Variants in FAAH observed in about 807,000 individuals in gnomAD.
FAAH encodes fatty-acid amide hydrolase 1.
A neutral mutation model predicts 69.7 loss-of-function variants in FAAH; 63 were observed. That is an observed-to-expected ratio of 0.90 (90% CI 0.74 to 1.12). The LOEUF (loss-of-function observed/expected upper bound fraction) is 1.12, where lower values mean the gene tolerates loss of function less well. Among genes scored for constraint, FAAH ranks in the 50% most tolerant of loss-of-function variants. The probability of loss-of-function intolerance (pLI) is 0.00; values close to 1 mark genes in which losing one functional copy is unlikely to be tolerated. For synonymous variants in FAAH, 305 were observed against 324.2 expected (o/e 0.94, Z 0.64); for missense variants, 680 against 755.0 (o/e 0.90, Z 1.16).
At chr1:46,406,656 C>T (rs926112622) in intron 7 of FAAH, among the ~76,000 whole-genome samples, 15 of 147,916 alleles carry the variant, frequency 1.0e-4, no homozygotes, top group African/African-American at 3.8e-4. Context: ...GATCTCGGCT[C>T]ACTGCAAGCT....
At chr1:46,394,828 G>A (rs1036665346) in intron 1 of FAAH, among the ~76,000 whole-genome samples, 1 of 152,256 alleles carries the variant, frequency 6.6e-6, no homozygotes, top group Admixed American at 6.5e-5. Context: ...CTGCCTATTG[G>A]AATGCGAAAA....
Position 46,394,454 on chromosome 1 carries a change from A to C in FAAH, c.106A>C (p.Thr36Pro). The change falls in exon 1 of 15, where the codon ACG (threonine) becomes CCG (proline). Residue 36 changes from threonine (T) to proline (P), a missense_variant. Thr to Pro is a conservative substitution (Grantham distance 38, BLOSUM62 -1). Coordinates refer to ENST00000243167, the MANE Select transcript of FAAH (RefSeq NM_001441.3). ...GGCCCTGCGCTGGTCCGGGCGCCGGACGGCGCGGGGCGCGGTGGTCCGGGC... is the reference window on the plus strand; with the variant it reads ...GGCCCTGCGCTGGTCCGGGCGCCGGCCGGCGCGGGGCGCGGTGGTCCGGGC... ...AVALRWSGRR[T>P]ARGAVVRARQ... The C allele has an allele frequency of 1.5e-6, 2 of 1,377,542 alleles. No individual in the cohort carries two copies. Among genetic ancestry groups the C allele is most frequent in the Non-Finnish European group, 1.9e-6 (2 of 1,073,688 alleles). 85.3% of individuals were successfully genotyped at this position (1,377,542 alleles called of 1,614,324 possible).
chr1:46,412,595 A>G (rs1664936645), intron 13 of FAAH, among the ~76,000 whole-genome samples: 2 of 152,226 alleles, frequency 1.3e-5, no homozygotes, highest in South Asian at 4.1e-4. Context: ...GGATCACTTG[A>G]GCCCAGGAGC....
intron 1 of FAAH, among the ~76,000 whole-genome samples, chr1:46,397,505 T>C (rs533349211): frequency 3.9e-5 from 6 of 152,296 alleles, no homozygotes; most frequent in Non-Finnish European, 8.8e-5. Context: ...GGGGTCCTGA[T>C]TGACAATAGC....
At position 46,413,412 on chromosome 1, in the gene FAAH, T is replaced by C. The variant is rs76528376; in HGVS notation, c.1612-35T>C. 2,783 of 1,613,910 alleles carry C rather than the reference T, an allele frequency of 1.7e-3. 31 individuals are homozygous for C. In the East Asian group the frequency reaches 0.021, roughly 12 times the overall value. On this transcript the variant is annotated intron_variant, in intron 14 of 14. Transcript: ENST00000243167. Reference sequence around the variant, plus strand: ...GGCCTGGGGGTGGGGAGTCCTGCCTTGCTAACCCTATCCTGATGCCTGTAT... The same window carrying C: ...GGCCTGGGGGTGGGGAGTCCTGCCTCGCTAACCCTATCCTGATGCCTGTAT...
Position 46,410,736 on chromosome 1 carries a change from C to T in FAAH, c.1276-78C>T. On this transcript the variant is annotated intron_variant, in intron 10 of 14. Transcript: ENST00000243167. The surrounding 1 kb of genome is among the most constrained non-coding windows in gnomAD (Gnocchi z 4.9). The stretch of plus-strand genomic sequence containing the variant: ...GGGGAGGCATGGAGGGAGGGGTCCC[C>T]AGTGGCTTGGCCTGAAGAAGGTTGA... 1 of 1,579,638 alleles carries T rather than the reference C, an allele frequency of 6.3e-7. No homozygotes were observed. Among genetic ancestry groups the T allele is most frequent in the Non-Finnish European group, 8.7e-7 (1 of 1,148,548 alleles).
rs72679815 is a variant in FAAH at position 46,411,259 on chromosome 1, C to T, written c.1317-353C>T. Among the ~76,000 whole-genome samples, 1,143 of 152,312 alleles carry T rather than the reference C, an allele frequency of 7.5e-3. 10 individuals are homozygous for T. The highest frequency in any genetic ancestry group is 0.026 in the South Asian group (126 of 4,822). On this transcript the variant is annotated intron_variant, in intron 11 of 14. Transcript: ENST00000243167. This position sits in a 1 kb window ranked among gnomAD's most constrained non-coding sequence, Gnocchi z 4.8. ...AGTGGCTGGGGCTGGAAAAGCAGGG[C>T]GTAAACCTCCCTGTTTCATGCCCTG...
At chr1:46,401,754 A>G (rs1030590379) in intron 1 of FAAH, among the ~76,000 whole-genome samples, 7 of 152,214 alleles carry the variant, frequency 4.6e-5, no homozygotes, top group African/African-American at 1.7e-4. Flanking sequence ...TGGTTTAATC[A>G]TCAGTCTGGA....
chr1:46,413,694 C>A lies in FAAH; in HGVS notation c.*119C>A. The A allele has an allele frequency of 6.8e-7, 1 of 1,462,410 alleles. No homozygotes were observed. Among genetic ancestry groups the A allele is most frequent in the South Asian group, 1.2e-5 (1 of 85,132 alleles). 90.6% of individuals were successfully genotyped at this position (1,462,410 alleles called of 1,614,324 possible). Reference sequence around the variant, plus strand: ...TGCATGGGGCAGAGGCTTCCGTGTCCTCTCCCCCAACCCCCTGCAAGAAGC... The same window carrying A: ...TGCATGGGGCAGAGGCTTCCGTGTCATCTCCCCCAACCCCCTGCAAGAAGC... On this transcript the variant is annotated 3_prime_UTR_variant, in exon 15 of 15. Coordinates refer to ENST00000243167, the MANE Select transcript of FAAH (RefSeq NM_001441.3).
rs1255028938 is a variant in FAAH, at chr1:46,412,243, G to A, written c.1457G>A (p.Arg486Lys). The A allele has an allele frequency of 2.6e-6, 4 of 1,552,718 alleles. No individual in the cohort carries two copies. Among genetic ancestry groups the A allele is most frequent in the Non-Finnish European group, 3.5e-6 (4 of 1,147,564 alleles). The change falls in exon 13 of 15, where the codon AGG (arginine) becomes AAG (lysine). Residue 486 changes from arginine (R) to lysine (K), a missense_variant. Coordinates refer to ENST00000243167, the MANE Select transcript of FAAH (RefSeq NM_001441.3). ...GCTCTGGACTTGAATGCCCCAGGCA[G>A]GGCCACAGGTGAGGCCCGACACCCT... The part of the protein sequence containing the change: ...APALDLNAPG[R>K]ATGAVSYTML...
intron 1 of FAAH, among the ~76,000 whole-genome samples, 175 bp from the exon 2 acceptor site, chr1:46,401,916 G>T (rs372843092): frequency 6.6e-6 from 1 of 152,166 alleles, no homozygotes; most frequent in Admixed American, 6.5e-5. Flanking sequence ...AGGTCGGCTC[G>T]CTGGGCACCC....
chr1:46,410,886 C>G lies in FAAH; in HGVS notation c.1316+32C>G. ...GTTCTTCTGTGTCTAGCTGCCGGCC[C>G]CTGCCTGTCCTGATCCGAGTCTGGG... On this transcript the variant is annotated intron_variant, in intron 11 of 14. Transcript: ENST00000243167. The surrounding 1 kb of genome is among the most constrained non-coding windows in gnomAD (Gnocchi z 4.9). The G allele has an allele frequency of 6.2e-7, 1 of 1,613,796 alleles. No individual in the cohort carries two copies. Among genetic ancestry groups the G allele is most frequent in the East Asian group, 2.2e-5 (1 of 44,872 alleles).
At position 46,404,040 on chromosome 1, in the gene FAAH, G is replaced by C. The variant is rs1664748670; in HGVS notation, c.310-974G>C. Among the ~76,000 whole-genome samples, 1 of 152,250 alleles carries C rather than the reference G, an allele frequency of 6.6e-6. No individual in the cohort carries two copies. The highest frequency in any genetic ancestry group is 2.4e-5 in the African/African-American group (1 of 41,460). ...GTGTGACCCCTAGGCAGGTGAACTTGTCTGGGTGCAGTGTATGTGACAATG... is the reference window on the plus strand; with the variant it reads ...GTGTGACCCCTAGGCAGGTGAACTTCTCTGGGTGCAGTGTATGTGACAATG... On this transcript the variant is annotated intron_variant, in intron 2 of 14. Transcript: ENST00000243167. This position sits in a 1 kb window ranked among gnomAD's most constrained non-coding sequence, Gnocchi z 4.5.
chr1:46,406,555 C>CTTT (rs527478594), intron 7 of FAAH, among the ~76,000 whole-genome samples, 187 bp downstream of exon 7: 2 of 136,182 alleles, frequency 1.5e-5, no homozygotes, highest in Non-Finnish European at 3.2e-5. Flanking sequence ...AATCCTCAGG[C>CTTT]TTTTTTTTTT....
chr1:46,410,848 A>G lies in FAAH; in HGVS notation c.1310A>G (p.Lys437Arg). The G allele has an allele frequency of 6.2e-7, 1 of 1,614,026 alleles. No individual in the cohort carries two copies. Among genetic ancestry groups the G allele is most frequent in the Non-Finnish European group, 8.5e-7 (1 of 1,179,994 alleles). Residue 437 changes from lysine to arginine, a missense_variant, in exon 11 of 15, where the codon AAG becomes AGG. Lys to Arg is a conservative substitution (Grantham distance 26). Coordinates refer to ENST00000243167, the MANE Select transcript of FAAH (RefSeq NM_001441.3). The surrounding 1 kb of genome is among the most constrained non-coding windows in gnomAD (Gnocchi z 4.9). ...PRLSAFLSNM[K>R]SRSAGKLWEL... ...CTGTCAGCTTTCCTCAGCAACATGA[A>G]GTCTCGGTAAGGGTTCTTCTGTGTC...
rs1028799282 is a variant in FAAH at position 46,411,524 on chromosome 1, G to A, written c.1317-88G>A. On this transcript the variant is annotated intron_variant, in intron 11 of 14. Coordinates refer to ENST00000243167, the MANE Select transcript of FAAH (RefSeq NM_001441.3). This position sits in a 1 kb window ranked among gnomAD's most constrained non-coding sequence, Gnocchi z 4.8. ...TTGTGAAGGGTCCACGGAGGGGTGA[G>A]ATCTAGAGGGTTGGCAGTAGGGGTC... The A allele has an allele frequency of 1.4e-6, 2 of 1,415,630 alleles. No homozygotes were observed. Among genetic ancestry groups the A allele is most frequent in the Non-Finnish European group, 9.9e-7 (1 of 1,010,334 alleles). The allele number at this position is 1,415,630 out of a possible 1,614,324, so 87.7% of individuals were successfully genotyped here. A position where few individuals can be genotyped will look rare whatever the true frequency, so the allele number is the denominator to read the frequency against.
chr1:46,406,904 C>A (rs1337069454), intron 7 of FAAH, among the ~76,000 whole-genome samples: 1 of 151,996 alleles, frequency 6.6e-6, no homozygotes, highest in African/African-American at 2.4e-5. Context: ...CCGCGCCGGC[C>A]GGAAATCCAC....
In FAAH at chr1:46,411,915, C is replaced by T. The variant is rs559644334; in HGVS notation, c.1357-228C>T. Among the ~76,000 whole-genome samples, 3 of 152,256 alleles carry T rather than the reference C, an allele frequency of 2.0e-5. No individual in the cohort carries two copies. Among genetic ancestry groups the T allele is most frequent in the Non-Finnish European group, 4.4e-5 (3 of 68,052 alleles). On this transcript the variant is annotated intron_variant, in intron 12 of 14. Transcript: ENST00000243167. This position sits in a 1 kb window ranked among gnomAD's most constrained non-coding sequence, Gnocchi z 4.8. Reference sequence around the variant, plus strand: ...CTCTGGAGCTGCCTTTGTGTGGCTCCGCCTCAGCGGGAAGAGGTGTATCCA... The same window carrying T: ...CTCTGGAGCTGCCTTTGTGTGGCTCTGCCTCAGCGGGAAGAGGTGTATCCA...
In FAAH at chr1:46,408,553, CCAAA is replaced by C; in HGVS notation, c.1049_1052del (p.Lys350ArgfsTer58). On this transcript the variant is annotated frameshift_variant, in exon 8 of 15. Transcript: ENST00000243167. LOFTEE classifies it high-confidence loss of function. Reference sequence around the variant, plus strand: ...GCCATGAGGCGGGCCGTGCTGGAGACCAAACAGAGCCTTGAGGCTGCGGGGCACA... The same window carrying C: ...GCCATGAGGCGGGCCGTGCTGGAGACCAGAGCCTTGAGGCTGCGGGGCACA... 6.2e-7 allele frequency: 1 copy of C among 1,614,168 alleles called. No individual in the cohort carries two copies. The highest frequency in any genetic ancestry group is 8.5e-7 in the Non-Finnish European group (1 of 1,180,036).
Sources: gnomAD v4.1 joint callset for allele counts (sites outside exome capture counted in the v4.1 genomes callset) on GRCh38, gnomAD v4.1.1 for gene constraint, Gnocchi (gnomAD v3.1) non-coding constraint, MANE v1.5 for transcripts, NCBI Gene and HGNC (gene_info 2026-07-23, HGNC 2026-07-21) for gene names.